Variants in NRXN1 observed in about 807,000 individuals in gnomAD.
The protein encoded by NRXN1 is neurexin-1.
A neutral mutation model predicts 150.9 loss-of-function variants in NRXN1; 39 were observed. The observed-to-expected ratio is 0.26, with a 90% CI of 0.20 to 0.34. The LOEUF is 0.34. NRXN1 is among the 10% of genes least tolerant of loss of function. NRXN1 has a pLI of 1.00. For missense variants in NRXN1, 1,815 were observed against 1,949.9 expected (o/e 0.93, Z 1.30); for synonymous variants, 924 against 757.0 (o/e 1.22, Z -3.62).
At chr2:49,941,258 A>G (rs964886168) in intron 22 of NRXN1, among the ~76,000 whole-genome samples, 1 of 151,594 alleles carries the variant, frequency 6.6e-6, no homozygotes, top group Admixed American at 6.6e-5. Context: ...GATTCCCTGG[A>G]GTATGGCAAT....
At chr2:50,127,833 T>A (rs1704838301) in intron 18 of NRXN1, among the ~76,000 whole-genome samples, 1 of 152,134 alleles carries the variant, frequency 6.6e-6, no homozygotes, top group South Asian at 2.1e-4. Context: ...AAAGGTCAGA[T>A]AAATAAGAAG....
At chr2:50,187,086 G>A (rs908419806) in intron 18 of NRXN1, among the ~76,000 whole-genome samples, 1 of 151,942 alleles carries the variant, frequency 6.6e-6, no homozygotes, top group Non-Finnish European at 1.5e-5. Flanking sequence ...TAAAGTCAAT[G>A]GCTGATTCTA....
Position 50,326,961 on chromosome 2 carries a change from G to A in NRXN1, c.3365-89991C>T, listed in dbSNP as rs140284601. Among the ~76,000 whole-genome samples the A allele has an allele frequency of 8.9e-3, 1,357 of 152,196 alleles. 10 individuals are homozygous for A. The highest frequency in any genetic ancestry group is 0.014 in the Non-Finnish European group (958 of 68,018). On this transcript the variant is annotated intron_variant, in intron 17 of 22. Coordinates refer to ENST00000401669, the MANE Select transcript of NRXN1 (RefSeq NM_001330078.2). ...ACTGTAATTCTCATATATTATCAGT[G>A]GAAGTTTAAAATCATGCACCCACCT...
intron 5 of NRXN1, among the ~76,000 whole-genome samples, chr2:50,913,790 A>T (rs1684848843): frequency 6.6e-6 from 1 of 151,740 alleles, no homozygotes; most frequent in Non-Finnish European, 1.5e-5. Flanking sequence ...AGTTTTGTGC[A>T]ATAGGCATTT....
intron 18 of NRXN1, among the ~76,000 whole-genome samples, chr2:50,184,333 G>C (rs1198317726): frequency 6.6e-6 from 1 of 151,902 alleles, no homozygotes; most frequent in Non-Finnish European, 1.5e-5. Flanking sequence ...AAGGACCAGG[G>C]ATCCACATTT....
At chr2:50,180,199 A>C (rs2060615604) in intron 18 of NRXN1, among the ~76,000 whole-genome samples, 1 of 151,470 alleles carries the variant, frequency 6.6e-6, no homozygotes, top group African/African-American at 2.4e-5. Flanking sequence ...TTTAAAAAAA[A>C]AAATTTGTAG....
intron 5 of NRXN1, among the ~76,000 whole-genome samples, chr2:50,672,972 A>G (rs1041097132): frequency 2.0e-5 from 3 of 152,178 alleles, no homozygotes; most frequent in Admixed American, 1.3e-4. Context: ...ATTTTGTTCT[A>G]GCTTACTAAA....
intron 21 of NRXN1, among the ~76,000 whole-genome samples, chr2:50,006,045 C>T (rs926470179): frequency 2.0e-5 from 3 of 152,008 alleles, no homozygotes; most frequent in Admixed American, 1.3e-4. Context: ...TCATCAGTGA[C>T]TACCATTGTT....
At chr2:50,969,612 T>A (rs1162317016) in intron 2 of NRXN1, among the ~76,000 whole-genome samples, 2 of 152,194 alleles carry the variant, frequency 1.3e-5, no homozygotes, top group Admixed American at 1.3e-4. Context: ...AGTTGTTTCA[T>A]AAATGTTAGG....
intron 5 of NRXN1, among the ~76,000 whole-genome samples, chr2:50,892,145 C>G (rs763328253): frequency 2.0e-5 from 3 of 152,006 alleles, no homozygotes; most frequent in Non-Finnish European, 2.9e-5. Context: ...GACATTTGAA[C>G]AGGGATTACA....
intron 2 of NRXN1, among the ~76,000 whole-genome samples, chr2:51,013,562 G>C (rs1558586424): frequency 6.6e-6 from 1 of 151,276 alleles, no homozygotes; most frequent in Non-Finnish European, 1.5e-5. Context: ...AAGGCTTTCA[G>C]AAAAGTCCAA....
intron 18 of NRXN1, among the ~76,000 whole-genome samples, chr2:50,128,927 G>C (rs1275143458): frequency 6.7e-6 from 1 of 149,172 alleles, no homozygotes; most frequent in Admixed American, 6.7e-5. Context: ...AGGTTGCAGT[G>C]AGCCGAGATC....
chr2:50,132,481 A>G (rs886905488), intron 18 of NRXN1, among the ~76,000 whole-genome samples: 1 of 151,658 alleles, frequency 6.6e-6, no homozygotes, highest in Admixed American at 6.6e-5. Flanking sequence ...AATTTTTTAT[A>G]TTTTTAGTAG....
chr2:50,268,180 T>A (rs1025688998), intron 17 of NRXN1, among the ~76,000 whole-genome samples: 2 of 152,234 alleles, frequency 1.3e-5, no homozygotes, highest in South Asian at 4.1e-4. Flanking sequence ...ACAGTGAGAC[T>A]CTGACTCAAA....
intron 5 of NRXN1, among the ~76,000 whole-genome samples, chr2:50,762,223 C>A (rs1034801977): frequency 1.5e-4 from 23 of 151,826 alleles, no homozygotes; most frequent in African/African-American, 4.8e-4. Flanking sequence ...TGCTACACAG[C>A]CTTGAACTTC....
intron 5 of NRXN1, among the ~76,000 whole-genome samples, chr2:50,842,282 T>G (rs1173603417): frequency 4.6e-5 from 7 of 152,208 alleles, no homozygotes; most frequent in Non-Finnish European, 8.8e-5. Flanking sequence ...TGTTAATATA[T>G]CCATATCTGG....
intron 5 of NRXN1, among the ~76,000 whole-genome samples, chr2:50,727,324 G>C (rs1697498253): frequency 6.6e-6 from 1 of 152,106 alleles, no homozygotes; most frequent in African/African-American, 2.4e-5. Context: ...TGAAGACACA[G>C]TCAATGTGTT....
At chr2:51,025,180 T>C (rs755139145) in intron 2 of NRXN1, among the ~76,000 whole-genome samples, 18 of 152,282 alleles carry the variant, frequency 1.2e-4, no homozygotes, top group Middle Eastern at 3.4e-3. Flanking sequence ...TGGTGATCTT[T>C]TGCACTCCAT....
At chr2:50,214,710 T>A (rs1337463616) in intron 18 of NRXN1, among the ~76,000 whole-genome samples, 1 of 152,030 alleles carries the variant, frequency 6.6e-6, no homozygotes, top group Admixed American at 6.6e-5. Context: ...GCAGAAGTCA[T>A]AACATATCCT....
Sources: gnomAD v4.1 joint callset for allele counts (sites outside exome capture counted in the v4.1 genomes callset) on GRCh38, gnomAD v4.1.1 for gene constraint, MANE v1.5 for transcripts, NCBI Gene and HGNC (gene_info 2026-07-23, HGNC 2026-07-21) for gene names.